CCDC186: variants seen among roughly 807,000 people sequenced by gnomAD.
CCDC186 encodes coiled-coil domain containing 186.
Under a neutral mutation model 113.7 loss-of-function variants are expected in CCDC186, and 49 were observed. That is an observed-to-expected ratio of 0.43 (90% CI 0.34 to 0.55). CCDC186 has a LOEUF of 0.55. Ranked by LOEUF, CCDC186 falls within the 20% of genes least tolerant of loss-of-function variation. The pLI is 0.02. For synonymous variants in CCDC186, 355 were observed against 345.8 expected, an observed-to-expected ratio of 1.03 and a Z score of -0.30; for missense variants, 890 against 1,011.1, an observed-to-expected ratio of 0.88 and a Z score of 1.62.
chr10:114,134,149 G>A (rs1221150632), intron 10 of CCDC186, among the ~76,000 whole-genome samples: 1 of 152,148 alleles, frequency 6.6e-6, no homozygotes. Context: ...TGGGACTGAT[G>A]GCAAAACGTT....
Position 114,141,965 on chromosome 10 carries a change from G to T in CCDC186, c.1221+2532C>A, listed in dbSNP as rs1443429651. ...TGTCTTTTGTTTTTTAAGGTAGAAG[G>T]GTAAATTTGGACCTTGTTATTCCAT... On this transcript the variant is annotated intron_variant, in intron 6 of 15. Transcript: ENST00000369287. Among the ~76,000 whole-genome samples, 12 of 151,930 alleles carry T rather than the reference G, an allele frequency of 7.9e-5. No homozygotes were observed. In the East Asian group the frequency reaches 2.1e-3, roughly 27 times the overall value.
chr10:114,142,655 T>C (rs1364710474), intron 6 of CCDC186, among the ~76,000 whole-genome samples: 1 of 152,224 alleles, frequency 6.6e-6, no homozygotes, highest in African/African-American at 2.4e-5. Context: ...TCTGATGATC[T>C]GGGTAGCCAG....
rs773753016 is a variant in CCDC186 at position 114,124,808 on chromosome 10, ATATTT to A, written c.*330_*334del. On this transcript the variant is annotated 3_prime_UTR_variant, in exon 16 of 16. Coordinates refer to ENST00000369287, the MANE Select transcript of CCDC186 (RefSeq NM_018017.4). ...AAAGGTGAGTCATTTTTGACATTAC[ATATTT>A]TAAAGGGAAGAAATATGAACAAAGG... 5 of 197,454 alleles carry A rather than the reference ATATTT, an allele frequency of 2.5e-5. No individual in the cohort carries two copies. In the East Asian group the frequency reaches 3.5e-4, roughly 14 times the overall value. The allele number at this position is 197,454 out of a possible 1,614,324, so 12.2% of individuals were successfully genotyped here.
chr10:114,165,784 G>C (rs2032318406), intron 1 of CCDC186: 1 of 572,750 alleles, frequency 1.7e-6, no homozygotes, highest in Admixed American at 6.9e-5. Context: ...GGAGGCGGAG[G>C]TTGTAGTGGG....
At chr10:114,130,014 T>C in intron 12 of CCDC186, 43 bp from the exon 13 acceptor site, 1 of 1,571,226 alleles carries the variant, frequency 6.4e-7, no homozygotes, top group Admixed American at 1.7e-5. Context: ...ATCAGGACCA[T>C]TTGCTCCTAC....
intron 1 of CCDC186, among the ~76,000 whole-genome samples, chr10:114,167,647 C>A (rs893644640): frequency 2.6e-5 from 4 of 151,682 alleles, no homozygotes; most frequent in African/African-American, 9.7e-5. Flanking sequence ...TAAAACAAGA[C>A]ATTAGTTGGC....
chr10:114,172,706 T>C (rs1260407612), intron 1 of CCDC186, among the ~76,000 whole-genome samples: 1 of 152,234 alleles, frequency 6.6e-6, no homozygotes, highest in East Asian at 1.9e-4. Flanking sequence ...AGATTCGTGA[T>C]CTAATATCTT....
intron 11 of CCDC186, 143 bp from the exon 12 acceptor site, chr10:114,131,479 G>A: frequency 1.5e-6 from 1 of 673,142 alleles, no homozygotes; most frequent in Non-Finnish European, 2.3e-6. Flanking sequence ...GTTTACTTGA[G>A]CTTCTCACAG....
chr10:114,153,943 C>T (rs1001111175), intron 3 of CCDC186, among the ~76,000 whole-genome samples: 2 of 151,570 alleles, frequency 1.3e-5, no homozygotes, highest in East Asian at 3.9e-4. Context: ...GGTGAAGTGG[C>T]TCATGCCTGT....
intron 4 of CCDC186, among the ~76,000 whole-genome samples, chr10:114,149,662 AAGGAAAGG>A (rs2031766776): frequency 1.1e-5 from 1 of 92,252 alleles, no homozygotes; most frequent in African/African-American, 4.3e-5. Flanking sequence ...GGAAGGAAGG[AAGGAAAGG>A]AGGGAAGGAG....
chr10:114,158,817 C>CA (rs1328905941), intron 2 of CCDC186, among the ~76,000 whole-genome samples: 2 of 152,192 alleles, frequency 1.3e-5, no homozygotes, highest in African/African-American at 4.8e-5. Context: ...GGTATACTTC[C>CA]AAAGCCCCAG....
At chr10:114,140,079 T>C (rs1249772949) in intron 6 of CCDC186, among the ~76,000 whole-genome samples, 1 of 152,208 alleles carries the variant, frequency 6.6e-6, no homozygotes, top group African/African-American at 2.4e-5. Flanking sequence ...ACATACTGTA[T>C]AAGAAAACAA....
At chr10:114,127,408 T>C in intron 14 of CCDC186, 53 bp downstream of exon 14, 4 of 1,502,156 alleles carry the variant, frequency 2.7e-6, no homozygotes, top group Non-Finnish European at 3.7e-6. Flanking sequence ...GTAACTTTGC[T>C]ATATGAGTAA....
intron 1 of CCDC186, among the ~76,000 whole-genome samples, chr10:114,165,143 C>T (rs1056419752): frequency 6.6e-6 from 1 of 152,196 alleles, no homozygotes; most frequent in Non-Finnish European, 1.5e-5. Context: ...CTAAGACAGC[C>T]ATTGGCCTAA....
chr10:114,162,488 C>A, intron 2 of CCDC186, 149 bp downstream of exon 2: 3 of 568,900 alleles, frequency 5.3e-6, no homozygotes, highest in Non-Finnish European at 5.9e-6. Flanking sequence ...ACACATTCAG[C>A]AACTATACAT....
chr10:114,173,619 G>A (rs945321168), intron 1 of CCDC186, among the ~76,000 whole-genome samples: 1 of 152,186 alleles, frequency 6.6e-6, no homozygotes, highest in Non-Finnish European at 1.5e-5. Context: ...GTCAACTTGA[G>A]ACGAAAAACG....
In CCDC186 at chr10:114,129,951, C is replaced by T; in HGVS notation, c.2122G>A (p.Val708Ile). ...TCTTTGTCATAGCTTCCACTCTCAA[C>T]CTGATCTAATTTTCTTCGTGCTATA... ...LQQARRKLDQVESGSYDKEVS... is the reference protein window; with the variant it reads ...LQQARRKLDQIESGSYDKEVS... The change falls in exon 13 of 16, where the codon GTT (valine) becomes ATT (isoleucine). Residue 708 changes from valine to isoleucine, a missense_variant. Coordinates refer to ENST00000369287, the MANE Select transcript of CCDC186 (RefSeq NM_018017.4). 2 of 1,613,492 alleles carry T rather than the reference C, an allele frequency of 1.2e-6. No individual in the cohort carries two copies. The highest frequency in any genetic ancestry group is 1.7e-6 in the Non-Finnish European group (2 of 1,179,598).
chr10:114,125,347 G>T, intron 15 of CCDC186, 121 bp from the exon 16 acceptor site: 1 of 634,506 alleles, frequency 1.6e-6, no homozygotes. Flanking sequence ...AGTCCTAAAT[G>T]CTATGTCAGA....
At chr10:114,153,577 G>A (rs1015189164) in intron 3 of CCDC186, among the ~76,000 whole-genome samples, 3 of 150,804 alleles carry the variant, frequency 2.0e-5, no homozygotes, top group Non-Finnish European at 4.4e-5. Flanking sequence ...CTTGAGGTCA[G>A]GAGTTCGAGA....
Sources: allele counts gnomAD v4.1 joint callset (sites outside exome capture counted in the v4.1 genomes callset), GRCh38; gene constraint gnomAD v4.1.1; transcripts MANE v1.5; gene names NCBI Gene and HGNC (gene_info 2026-07-23, HGNC 2026-07-21).